Variants in RNASEH1 observed in about 807,000 individuals in gnomAD.
RNASEH1 encodes the protein ribonuclease H type II.
RNASEH1 carries 27 observed loss-of-function variants against 34.6 expected under a neutral mutation model. That is an observed-to-expected ratio of 0.78 (90% CI 0.58 to 1.08). The LOEUF (loss-of-function observed/expected upper bound fraction) is 1.08, where lower values mean the gene tolerates loss of function less well. RNASEH1 is among the 50% of genes least tolerant of loss of function. The pLI, the probability that RNASEH1 is intolerant of heterozygous loss-of-function variation, is 0.00. For synonymous variants in RNASEH1, 162 were observed against 138.4 expected (o/e 1.17, Z -1.20); for missense variants, 349 against 373.6 (o/e 0.93, Z 0.54).
Position 3,545,877 on chromosome 2 carries a change from A to G in RNASEH1, c.775-6T>C. The stretch of plus-strand genomic sequence containing the variant: ...GAATGACCAGGAACATGCATCTGTT[A>G]AGATAAATGTTTTCCTTTTATTTTT... On this transcript the variant is annotated splice_region_variant and splice_polypyrimidine_tract_variant and intron_variant, in intron 7 of 7. Transcript: ENST00000315212. The G allele has an allele frequency of 1.3e-6, 2 of 1,596,318 alleles. No homozygotes were observed. The highest frequency in any genetic ancestry group is 1.7e-6 in the Non-Finnish European group (2 of 1,163,694).
the RNASEH1 span, among the ~76,000 whole-genome samples, chr2:3,536,404 C>T: frequency 6.6e-6 from 1 of 150,984 alleles, no homozygotes; most frequent in African/African-American, 2.4e-5. Context: ...TGGGACCAAG[C>T]TTGAGTCCAC....
chr2:3,558,045 C>T (rs967691089), intron 1 of RNASEH1, 88 bp downstream of exon 1: 51 of 1,482,368 alleles, frequency 3.4e-5, no homozygotes, highest in Non-Finnish European at 4.6e-5. Flanking sequence ...CTCGGACCGC[C>T]AGGCTCCCGC....
the RNASEH1 span, chr2:3,532,191 G>A: frequency 1.4e-6 from 1 of 694,826 alleles, no homozygotes; most frequent in South Asian, 1.5e-5. Flanking sequence ...ACCTCCGGGT[G>A]TCAGCACCTG....
chr2:3,550,246 T>C (rs1669161540), intron 4 of RNASEH1, 127 bp downstream of exon 4: 1 of 723,014 alleles, frequency 1.4e-6, no homozygotes, highest in East Asian at 3.0e-5. Flanking sequence ...AAGCTGCTCC[T>C]CTGCCACCCC....
At chr2:3,535,605 C>A in the RNASEH1 span, among the ~76,000 whole-genome samples, 19 of 151,852 alleles carry the variant, frequency 1.3e-4, no homozygotes, top group Non-Finnish European at 2.4e-4. Flanking sequence ...GTAAGAGCCG[C>A]ATGGCTGGAG....
At chr2:3,537,044 C>T (rs1035798019), downstream of RNASEH1, among the ~76,000 whole-genome samples, 5 of 152,340 alleles carry the variant, frequency 3.3e-5, no homozygotes, top group African/African-American at 7.2e-5. Context: ...CAAATGGCCA[C>T]GCCAGGGATT....
At chr2:3,536,249 CAT>C in the RNASEH1 span, among the ~76,000 whole-genome samples, 2 of 152,250 alleles carry the variant, frequency 1.3e-5, no homozygotes, top group African/African-American at 4.8e-5. Flanking sequence ...TGGTGAGTCA[CAT>C]GTCATACAGG....
intron 3 of RNASEH1, 100 bp from the exon 4 acceptor site, chr2:3,550,572 G>T (rs969970221): frequency 1.1e-6 from 1 of 893,332 alleles, no homozygotes; most frequent in Non-Finnish European, 1.9e-6. Flanking sequence ...AAACCGAGAG[G>T]GTATTTTACA....
chr2:3,535,815 C>T, the RNASEH1 span, among the ~76,000 whole-genome samples: 1 of 152,148 alleles, frequency 6.6e-6, no homozygotes, highest in Non-Finnish European at 1.5e-5. Context: ...AGGTGCGAAC[C>T]CACCAGGAGC....
At position 3,548,533 on chromosome 2, in the gene RNASEH1, A is replaced by G. The variant is rs1435501530; in HGVS notation, c.649+107T>C. On this transcript the variant is annotated intron_variant, in intron 6 of 7. Coordinates refer to ENST00000315212, the MANE Select transcript of RNASEH1 (RefSeq NM_002936.6). ...TCTTTGCTCGGTACCTGACAAACCAATGTCATCCCCCCGTTCCCATTTGGG... is the reference window on the plus strand; with the variant it reads ...TCTTTGCTCGGTACCTGACAAACCAGTGTCATCCCCCCGTTCCCATTTGGG... 3.9e-5 allele frequency: 27 copies of G among 694,600 alleles called. 1 individual carries two copies. The highest frequency in any genetic ancestry group is 3.7e-4 in the South Asian group (21 of 57,034). 43.0% of individuals were successfully genotyped at this position (694,600 alleles called of 1,614,324 possible).
rs1308749508 is a variant in RNASEH1, at chr2:3,542,110, G to T, written c.*3675C>A. Among the ~76,000 whole-genome samples, 1 of 152,142 alleles carries T rather than the reference G, an allele frequency of 6.6e-6. No individual in the cohort carries two copies. Among genetic ancestry groups the T allele is most frequent in the African/African-American group, 2.4e-5 (1 of 41,440 alleles). ...GCAAACACTGAGAACAGCCAATTTA[G>T]ATTTCAACATACAGATAACAGGGAT... On this transcript the variant is annotated 3_prime_UTR_variant, in exon 8 of 8. Coordinates refer to ENST00000315212, the MANE Select transcript of RNASEH1 (RefSeq NM_002936.6).
rs764005144 is a variant in RNASEH1, at chr2:3,549,125, A to G, written c.510-13T>C. 4 of 1,604,118 alleles carry G rather than the reference A, an allele frequency of 2.5e-6. No individual in the cohort carries two copies. In the East Asian group the frequency reaches 6.7e-5, roughly 27 times the overall value. The stretch of plus-strand genomic sequence containing the variant: ...AATGCCTACATTTCTGTTTCAAAAC[A>G]GTACAAAAGAAAATAAAAGTATAAA... On this transcript the variant is annotated splice_polypyrimidine_tract_variant and intron_variant, in intron 4 of 7. Transcript: ENST00000315212.
chr2:3,548,369 C>T (rs1205573642), intron 6 of RNASEH1, among the ~76,000 whole-genome samples: 1 of 152,188 alleles, frequency 6.6e-6, no homozygotes, highest in Non-Finnish European at 1.5e-5. Flanking sequence ...GCAGTCAACA[C>T]GCCATCTTAA....
chr2:3,556,823 A>G lies in RNASEH1; in HGVS notation c.210T>C (p.Phe70=). 6.2e-7 allele frequency: 1 copy of G among 1,614,002 alleles called. No individual in the cohort carries two copies. Among genetic ancestry groups the G allele is most frequent in the Non-Finnish European group, 8.5e-7 (1 of 1,179,842 alleles). Residue 70 remains phenylalanine, a synonymous_variant, in exon 2 of 8, where the codon TTT becomes TTC. Coordinates refer to ENST00000315212, the MANE Select transcript of RNASEH1 (RefSeq NM_002936.6). Reference sequence around the variant, plus strand: ...CTTCCGGGCTTGCAGATTTCCTGACAAAGGCCCAGGCCTCATCCTCTGTGG... The same window carrying G: ...CTTCCGGGCTTGCAGATTTCCTGACGAAGGCCCAGGCCTCATCCTCTGTGG... ...KFATEDEAWA[F]VRKSASPEVS...
chr2:3,548,937 T>C, intron 5 of RNASEH1, 121 bp downstream of exon 5: 1 of 948,366 alleles, frequency 1.1e-6, no homozygotes, highest in Non-Finnish European at 1.6e-6. Context: ...AAAATTGTTA[T>C]TAAACCCGTC....
At chr2:3,532,706 T>C in the RNASEH1 span, among the ~76,000 whole-genome samples, 1 of 152,170 alleles carries the variant, frequency 6.6e-6, no homozygotes, top group Non-Finnish European at 1.5e-5. Context: ...CTGTTGAATA[T>C]GCAGTGCATC....
rs1660703380 is a variant in RNASEH1 at position 3,557,994 on chromosome 2, G to C, written c.128+139C>G. ...CCCGCCGGCCGAGCAGGAAAACGAG[G>C]CGGTCCCCCGACCACCCACAGCCAC... On this transcript the variant is annotated intron_variant, in intron 1 of 7. Coordinates refer to ENST00000315212, the MANE Select transcript of RNASEH1 (RefSeq NM_002936.6). 3 of 1,486,760 alleles carry C rather than the reference G, an allele frequency of 2.0e-6. No individual in the cohort carries two copies. The Admixed American group carries it at 6.7e-5, about 33-fold the overall frequency. The allele number at this position is 1,486,760 out of a possible 1,614,324, so 92.1% of individuals were successfully genotyped here.
chr2:3,552,822 C>T (rs1660111663), intron 2 of RNASEH1, among the ~76,000 whole-genome samples: 2 of 151,872 alleles, frequency 1.3e-5, no homozygotes, highest in African/African-American at 2.4e-5. Flanking sequence ...ATAGTGAGAC[C>T]CCTTTGCTTA....
At chr2:3,549,217 T>A in intron 4 of RNASEH1, 105 bp from the exon 5 acceptor site, 1 of 932,060 alleles carries the variant, frequency 1.1e-6, no homozygotes, top group Non-Finnish European at 1.7e-6. Flanking sequence ...ATTTGAAATA[T>A]AAAAGCATCA....
Sources: allele counts gnomAD v4.1 joint callset (sites outside exome capture counted in the v4.1 genomes callset), GRCh38; gene constraint gnomAD v4.1.1; transcripts MANE v1.5; gene names NCBI Gene and HGNC (gene_info 2026-07-23, HGNC 2026-07-21).